The following TIAM1 variants were observed in gnomAD, a reference collection of about 807,000 sequenced individuals.
TIAM1 encodes the protein TIAM Rac1 associated GEF 1, also known as rho guanine nucleotide exchange factor TIAM1.
In TIAM1, 65 loss-of-function variants were observed where a neutral mutation model predicts 163.5. The observed-to-expected ratio is 0.40, with a 90% CI of 0.33 to 0.49. TIAM1 has a LOEUF of 0.49. TIAM1 is among the 20% of genes least tolerant of loss of function. TIAM1 has a pLI of 0.77. For missense variants in TIAM1, 1,789 were observed against 2,044.7 expected, an observed-to-expected ratio of 0.87 and a Z score of 2.41; for synonymous variants, 833 against 810.1, an observed-to-expected ratio of 1.03 and a Z score of -0.48.
At chr21:31,154,138 G>A (rs555389014) in intron 17 of TIAM1, 109 bp downstream of exon 17, 10 of 1,227,648 alleles carry the variant, frequency 8.1e-6, no homozygotes, top group Middle Eastern at 2.0e-4. Context: ...AAACCAAGAC[G>A]CTCTTCATGA....
intron 2 of TIAM1, among the ~76,000 whole-genome samples, chr21:31,326,013 C>T (rs1490432329): frequency 1.3e-5 from 2 of 152,198 alleles, no homozygotes; most frequent in African/African-American, 4.8e-5. Context: ...TTCTCACGCC[C>T]TCCAGACCCT....
intron 2 of TIAM1, among the ~76,000 whole-genome samples, chr21:31,429,754 T>C (rs2043932246): frequency 6.6e-6 from 1 of 152,172 alleles, no homozygotes; most frequent in Non-Finnish European, 1.5e-5. Flanking sequence ...TGGAGTCTTC[T>C]GTGCACCGCT....
intron 2 of TIAM1, among the ~76,000 whole-genome samples, chr21:31,363,631 A>C (rs1195659019): frequency 6.6e-6 from 1 of 151,948 alleles, no homozygotes; most frequent in Non-Finnish European, 1.5e-5. Flanking sequence ...TACCTCATTC[A>C]ATCCTCCTTT....
intron 8 of TIAM1, among the ~76,000 whole-genome samples, chr21:31,221,843 C>A (rs746179568): frequency 6.6e-6 from 1 of 152,060 alleles, no homozygotes; most frequent in Non-Finnish European, 1.5e-5. Context: ...GCAGAATAGG[C>A]GAACTGAGAT....
intron 2 of TIAM1, among the ~76,000 whole-genome samples, chr21:31,442,160 T>C (rs2044457358): frequency 1.4e-5 from 2 of 143,210 alleles, no homozygotes; most frequent in African/African-American, 5.1e-5. Flanking sequence ...AAGTGAGAAC[T>C]TACAGCCAAG....
intron 1 of TIAM1, among the ~76,000 whole-genome samples, chr21:31,507,179 A>ATTTTTTTTTTTTTTTTTTTTTT (rs572356384): frequency 6.7e-5 from 3 of 44,540 alleles, no homozygotes; most frequent in Admixed American, 3.3e-4. Flanking sequence ...CACCTTTTTA[A>ATTTTTTTTTTTTTTTTTTTTTT]TTTTTTTTTT....
intron 2 of TIAM1, among the ~76,000 whole-genome samples, chr21:31,440,550 G>C (rs759293321): frequency 6.6e-6 from 1 of 152,178 alleles, no homozygotes; most frequent in Non-Finnish European, 1.5e-5. Flanking sequence ...GTGATTCTTA[G>C]CAGAATAGGT....
chr21:31,141,234 C>T lies in TIAM1; in HGVS notation c.3658G>A (p.Ala1220Thr). 1 of 1,614,000 alleles carries T rather than the reference C, an allele frequency of 6.2e-7. No homozygotes were observed. Among genetic ancestry groups the T allele is most frequent in the Non-Finnish European group, 8.5e-7 (1 of 1,179,964 alleles). ...ESEEHYHLDV[A>T]IKTMNKVASH... ...GCAACCTTGTTCATGGTCTTGATGG[C>T]CACTGGAAGAAAACAGGTTGTGAAA... is the stretch of plus-strand genomic sequence containing the variant. The change falls in exon 22 of 28, where the codon GCC (alanine) becomes ACC (threonine). Residue 1220 changes from alanine to threonine, a missense_variant and splice_region_variant. This residue lies in a region of TIAM1 where 60 missense variants were observed against 132.6 expected (regional missense o/e 0.45). Transcript: ENST00000541036. This position sits in a 1 kb window ranked among gnomAD's most constrained non-coding sequence, Gnocchi z 4.7.
At chr21:31,464,874 GTGGCTCACACC>G (rs1329510449) in intron 1 of TIAM1, among the ~76,000 whole-genome samples, 1 of 150,492 alleles carries the variant, frequency 6.6e-6, no homozygotes, top group African/African-American at 2.4e-5. Flanking sequence ...GCCAGATGCG[GTGGCTCACACC>G]TGTAATCCCA....
intron 22 of TIAM1, among the ~76,000 whole-genome samples, chr21:31,140,197 A>T (rs914522281): frequency 9.8e-5 from 15 of 152,302 alleles, no homozygotes; most frequent in Non-Finnish European, 1.8e-4. Flanking sequence ...CTCTGGAGAT[A>T]AGGTGCTTTC....
At chr21:31,513,155 A>C (rs76685475) in intron 1 of TIAM1, among the ~76,000 whole-genome samples, 1 of 152,148 alleles carries the variant, frequency 6.6e-6, no homozygotes, top group Non-Finnish European at 1.5e-5. Context: ...ATTTTCACAC[A>C]TGCCATATAT....
At chr21:31,205,779 C>T (rs1442056366) in intron 11 of TIAM1, among the ~76,000 whole-genome samples, 2 of 152,022 alleles carry the variant, frequency 1.3e-5, no homozygotes, top group Admixed American at 6.6e-5. Flanking sequence ...GCCTGGGTAA[C>T]ATGGTGAAAC....
chr21:31,124,789 G>T, intron 26 of TIAM1, 95 bp from the exon 27 acceptor site: 11 of 1,118,288 alleles, frequency 9.8e-6, no homozygotes, highest in Non-Finnish European at 1.4e-5. Flanking sequence ...ATATCCCTTA[G>T]GGCCAAAGGC....
At chr21:31,541,828 T>C (rs2048331262) in intron 1 of TIAM1, among the ~76,000 whole-genome samples, 1 of 152,224 alleles carries the variant, frequency 6.6e-6, no homozygotes, top group Non-Finnish European at 1.5e-5. Flanking sequence ...CTTACAAAAA[T>C]CATGCAGTCA....
intron 9 of TIAM1, 32 bp from the exon 10 acceptor site, chr21:31,213,504 A>T: frequency 1.2e-6 from 2 of 1,606,222 alleles, no homozygotes; most frequent in Non-Finnish European, 1.7e-6. Flanking sequence ...CTTAAAAAGG[A>T]ATCTGGGCAA....
intron 1 of TIAM1, among the ~76,000 whole-genome samples, chr21:31,535,947 G>A (rs2048119084): frequency 6.6e-6 from 1 of 152,190 alleles, no homozygotes; most frequent in Non-Finnish European, 1.5e-5. Flanking sequence ...AAGAATTAGA[G>A]GCACGCCAAC....
At chr21:31,271,489 G>A (rs2073053831) in intron 3 of TIAM1, among the ~76,000 whole-genome samples, 1 of 152,114 alleles carries the variant, frequency 6.6e-6, no homozygotes, top group Non-Finnish European at 1.5e-5. Flanking sequence ...GGACCACTGG[G>A]TTGAAGGTCA....
At chr21:31,136,650 A>T (rs979985473) in intron 22 of TIAM1, among the ~76,000 whole-genome samples, 1 of 152,212 alleles carries the variant, frequency 6.6e-6, no homozygotes, top group Admixed American at 6.5e-5. Context: ...AAGGATGGCA[A>T]ATAGGTACAA....
In TIAM1 at chr21:31,153,017, G is replaced by A. The variant is rs761593530; in HGVS notation, c.3240+49C>T. On this transcript the variant is annotated intron_variant, in intron 18 of 27. Transcript: ENST00000541036. ...CCCCATTTTTCCTCTTTACCAACAAGTCAAACCACGGTATGATGGTCACAA... is the reference window on the plus strand; with the variant it reads ...CCCCATTTTTCCTCTTTACCAACAAATCAAACCACGGTATGATGGTCACAA... 1.7e-5 allele frequency: 27 copies of A among 1,562,756 alleles called. No individual in the cohort carries two copies. In the African/African-American group the frequency reaches 3.2e-4, roughly 18 times the overall value.
Sources: allele counts gnomAD v4.1 joint callset (sites outside exome capture counted in the v4.1 genomes callset), GRCh38; gene constraint gnomAD v4.1.1; regional missense constraint gnomAD v4.1.1; non-coding constraint Gnocchi (gnomAD v3.1); transcripts MANE v1.5; gene names NCBI Gene and HGNC (gene_info 2026-07-23, HGNC 2026-07-21).